Variants in DDO observed in about 807,000 individuals in gnomAD.
The protein encoded by DDO is D-aspartate oxidase.
DDO carries 16 observed loss-of-function variants against 16.8 expected under a neutral mutation model. That is an observed-to-expected ratio of 0.95 (90% confidence interval 0.65 to 1.45). The LOEUF (loss-of-function observed/expected upper bound fraction) is 1.45, where lower values mean the gene tolerates loss of function less well. Ranked by LOEUF, DDO falls within the 40% of genes most tolerant of loss-of-function variation. DDO has a pLI of 0.00. For synonymous variants in DDO, 180 were observed against 167.2 expected (o/e 1.08, Z -0.59); for missense variants, 429 against 420.3 (o/e 1.02, Z -0.18).
At chr6:110,403,911 T>C (rs1167527258) in intron 4 of DDO, among the ~76,000 whole-genome samples, 2 of 152,256 alleles carry the variant, frequency 1.3e-5, no homozygotes, top group Non-Finnish European at 2.9e-5. Context: ...ACAAAAGTTG[T>C]GTAATTAATG....
At chr6:110,410,941 T>C (rs575729980) in intron 2 of DDO, among the ~76,000 whole-genome samples, 1 of 152,242 alleles carries the variant, frequency 6.6e-6, no homozygotes, top group African/African-American at 2.4e-5. Context: ...ATAAAAGATA[T>C]GTCTATTCTT....
chr6:110,391,351 C>CTT (rs10683177), downstream of DDO, among the ~76,000 whole-genome samples: 44,476 of 133,312 alleles, frequency 0.33, 8,894 homozygotes, highest in African/African-American at 0.53. Flanking sequence ...CTCCTCAAGC[C>CTT]TTTTTTTTTT....
chr6:110,396,610 A>G (rs72937947), intron 4 of DDO, among the ~76,000 whole-genome samples: 20,397 of 152,332 alleles, frequency 0.13, 1,831 homozygotes, highest in Admixed American at 0.19. Context: ...TTGGGGCCAC[A>G]GAGAACCAAT....
At chr6:110,390,992 A>C (rs559946756), downstream of DDO, among the ~76,000 whole-genome samples, 15 of 152,320 alleles carry the variant, frequency 9.8e-5, no homozygotes, top group African/African-American at 3.6e-4. Flanking sequence ...TAAATTTTTG[A>C]ATGTACCAAT....
intron 4 of DDO, among the ~76,000 whole-genome samples, chr6:110,398,383 TACACAC>T (rs372325600): frequency 0.033 from 3,639 of 110,150 alleles, 68 homozygotes; most frequent in East Asian, 0.064. Flanking sequence ...CTTAAATGCG[TACACAC>T]ACACACACAC....
chr6:110,393,059 C>T lies in DDO; in HGVS notation c.742G>A (p.Ala248Thr), dbSNP rs1773161957. The T allele has an allele frequency of 3.7e-6, 6 of 1,612,602 alleles. No individual in the cohort carries two copies. In the East Asian group the frequency reaches 1.3e-4, roughly 36 times the overall value. The change falls in exon 5 of 5, where the codon GCA (alanine) becomes ACA (threonine). Residue 248 changes from alanine (A) to threonine (T), a missense_variant. Transcript: ENST00000368924. ...QKGDWNLSPD[A>T]ENSREILSRC... ...GAAAGAATCTCTCTGCTATTTTCTG[C>T]ATCCGGGGACAGATTCCAGTCCCCT...
chr6:110,397,211 C>T (rs929264048), intron 4 of DDO, among the ~76,000 whole-genome samples: 1 of 152,082 alleles, frequency 6.6e-6, no homozygotes, highest in East Asian at 1.9e-4. Context: ...CAATAAAGAC[C>T]TTTTATTTTT....
chr6:110,413,271 G>C lies in DDO; in HGVS notation c.172+20C>G, dbSNP rs1383054934. 1 of 1,612,218 alleles carries C rather than the reference G, an allele frequency of 6.2e-7. No individual in the cohort carries two copies. The highest frequency in any genetic ancestry group is 2.2e-5 in the East Asian group (1 of 44,890). On this transcript the variant is annotated intron_variant, in intron 2 of 4. Transcript: ENST00000368924. ...TATCTGACATCTATTGTATCTGATAGAGGAGCTGAAATCTCTCACCTGGAT... is the reference window on the plus strand; with the variant it reads ...TATCTGACATCTATTGTATCTGATACAGGAGCTGAAATCTCTCACCTGGAT...
At position 110,415,502 on chromosome 6, in the gene DDO, A is replaced by G; in HGVS notation, c.-40T>C. On this transcript the variant is annotated 5_prime_UTR_variant, in exon 1 of 5. Coordinates refer to ENST00000368924, the MANE Select transcript of DDO (RefSeq NM_001372108.2). ...AAAAGCAGTCTTGGAAGCCACCAAAATCTCTGGCACCAAACCTTGTTTCCC... is the reference window on the plus strand; with the variant it reads ...AAAAGCAGTCTTGGAAGCCACCAAAGTCTCTGGCACCAAACCTTGTTTCCC... The G allele has an allele frequency of 2.5e-6, 4 of 1,614,172 alleles. No homozygotes were observed. Among genetic ancestry groups the G allele is most frequent in the Non-Finnish European group, 3.4e-6 (4 of 1,180,014 alleles).
At chr6:110,408,689 G>A (rs1773744504) in intron 2 of DDO, among the ~76,000 whole-genome samples, 1 of 152,192 alleles carries the variant, frequency 6.6e-6, no homozygotes, top group African/African-American at 2.4e-5. Context: ...GGGAAAACAG[G>A]CCAATAAGGG....
intron 4 of DDO, 94 bp from the exon 5 acceptor site, chr6:110,393,436 G>A (rs1359345543): frequency 1.4e-6 from 2 of 1,473,364 alleles, no homozygotes; most frequent in Non-Finnish European, 1.8e-6. Context: ...CAAAAATTAG[G>A]TGATGATCTG....
At chr6:110,394,365 C>A (rs896674285) in intron 4 of DDO, among the ~76,000 whole-genome samples, 5 of 152,174 alleles carry the variant, frequency 3.3e-5, no homozygotes, top group Non-Finnish European at 7.3e-5. Context: ...CCTCTGCCTC[C>A]CAAAGTGCTG....
rs1773108339 is a variant in DDO, at chr6:110,391,812, T to C, written c.*963A>G. 1 of 152,238 alleles carries C rather than the reference T, an allele frequency of 6.6e-6. No individual in the cohort carries two copies. Among genetic ancestry groups the C allele is most frequent in the Non-Finnish European group, 1.5e-5 (1 of 68,048 alleles). The allele number at this position is 152,238 out of a possible 1,614,324, so 9.4% of individuals were successfully genotyped here. A position where few individuals can be genotyped will look rare whatever the true frequency, so the allele number is the denominator to read the frequency against. The stretch of plus-strand genomic sequence containing the variant: ...AACTCAACAATTCCAACTCATTTTA[T>C]TGTGAGACACATTCCCCTCCTCCCC... On this transcript the variant is annotated 3_prime_UTR_variant, in exon 5 of 5. Transcript: ENST00000368924.
At chr6:110,412,107 G>A (rs1183434048) in intron 2 of DDO, among the ~76,000 whole-genome samples, 10 of 152,078 alleles carry the variant, frequency 6.6e-5, no homozygotes, top group African/African-American at 9.7e-5. Flanking sequence ...TTAGCCGGGC[G>A]TGGTGGCTCA....
chr6:110,399,758 C>T (rs1022019841), intron 4 of DDO, among the ~76,000 whole-genome samples: 40 of 152,338 alleles, frequency 2.6e-4, no homozygotes, highest in Middle Eastern at 3.4e-3. Context: ...CAGGAGGGAG[C>T]CAGGTCTCAG....
intron 2 of DDO, among the ~76,000 whole-genome samples, chr6:110,410,005 T>C (rs2114838841): frequency 6.6e-6 from 1 of 152,350 alleles, no homozygotes; most frequent in Middle Eastern, 3.4e-3. Context: ...TAGCACTTAC[T>C]ATGTGCCAGG....
intron 4 of DDO, among the ~76,000 whole-genome samples, chr6:110,396,073 T>C (rs760242290): frequency 1.7e-4 from 26 of 152,150 alleles, no homozygotes; most frequent in Admixed American, 1.7e-3. Context: ...CTCACGTTGA[T>C]GAGCATGGAA....
chr6:110,404,428 G>A (rs1773578966), intron 4 of DDO, among the ~76,000 whole-genome samples: 1 of 152,154 alleles, frequency 6.6e-6, no homozygotes, highest in African/African-American at 2.4e-5. Context: ...TTCTGTAGCT[G>A]GAAATATATT....
rs368917669 is a variant in DDO at position 110,392,804 on chromosome 6, T to C, written c.997A>G (p.Arg333Gly). ...AGGTTTGACTTGGGAATGGGGGTCC[T>C]GAGGGCATGGACACACTCGCTCACC... ...RLVSECVHAL[R>G]TPIPKSNL Residue 333 changes from arginine to glycine, a missense_variant, in exon 5 of 5, where the codon AGG (arginine) becomes GGG (glycine). Transcript: ENST00000368924. 2.7e-5 allele frequency: 43 copies of C among 1,580,280 alleles called. No individual in the cohort carries two copies. The African/African-American group carries it at 4.9e-4, about 18-fold the overall frequency.
Sources: gnomAD v4.1 joint callset for allele counts (sites outside exome capture counted in the v4.1 genomes callset) on GRCh38, gnomAD v4.1.1 for gene constraint, MANE v1.5 for transcripts, NCBI Gene and HGNC (gene_info 2026-07-23, HGNC 2026-07-21) for gene names.